The following NTN1 variants were observed in gnomAD, a reference collection of about 807,000 sequenced individuals.
NTN1 encodes netrin 1.
In NTN1, 11 loss-of-function variants were observed where a neutral mutation model predicts 54.2. The observed-to-expected ratio is 0.20, with a 90% CI of 0.13 to 0.34. The LOEUF (loss-of-function observed/expected upper bound fraction) is 0.34, where lower values mean the gene tolerates loss of function less well. NTN1 is among the 10% of genes least tolerant of loss of function. NTN1 has a pLI of 1.00. For missense variants in NTN1, 740 were observed against 893.1 expected (o/e 0.83, Z 2.18); for synonymous variants, 371 against 382.0 (o/e 0.97, Z 0.33).
chr17:9,202,478 G>A (rs979550763), intron 5 of NTN1, among the ~76,000 whole-genome samples: 4 of 152,142 alleles, frequency 2.6e-5, no homozygotes, highest in African/African-American at 9.7e-5. Context: ...GGAGTGTATT[G>A]AGAATTCATT....
chr17:9,132,370 C>T (rs564936080), intron 2 of NTN1, among the ~76,000 whole-genome samples: 1 of 152,334 alleles, frequency 6.6e-6, no homozygotes, highest in Admixed American at 6.5e-5. Flanking sequence ...CTATGCATCT[C>T]ACACTAGCTT....
intron 2 of NTN1, among the ~76,000 whole-genome samples, chr17:9,068,559 A>G (rs1457212515): frequency 6.8e-6 from 1 of 147,878 alleles, no homozygotes; most frequent in African/African-American, 2.5e-5. Context: ...CCCAGGCTGG[A>G]GTGCAATGGT....
At chr17:9,062,851 A>C (rs1270049529) in intron 2 of NTN1, among the ~76,000 whole-genome samples, 1 of 152,074 alleles carries the variant, frequency 6.6e-6, no homozygotes, top group Non-Finnish European at 1.5e-5. Context: ...TAGAAATGTA[A>C]CAGCATTTGC....
In NTN1 at chr17:9,198,758, G is replaced by A. The variant is rs181834284; in HGVS notation, c.1411+15789G>A. On this transcript the variant is annotated intron_variant, in intron 5 of 6. Coordinates refer to ENST00000173229, the MANE Select transcript of NTN1 (RefSeq NM_004822.3). ...AGAGAATCACAGCCCAGGAGTTCAG[G>A]CTCAGCTGTGGATCCTACAGATCCC... 2.0e-3 allele frequency among the ~76,000 whole-genome samples: 300 copies of A among 152,314 alleles called. 5 individuals carry two copies. The highest frequency in any genetic ancestry group is 0.018 in the Admixed American group (280 of 15,300).
At chr17:9,064,962 C>T (rs904765641) in intron 2 of NTN1, among the ~76,000 whole-genome samples, 12 of 151,820 alleles carry the variant, frequency 7.9e-5, no homozygotes, top group Admixed American at 2.0e-4. Context: ...ATTGAGATGG[C>T]GCCTCTCTCT....
At chr17:9,207,650 T>TGCA (rs1036496889) in intron 5 of NTN1, among the ~76,000 whole-genome samples, 1 of 152,196 alleles carries the variant, frequency 6.6e-6, no homozygotes, top group African/African-American at 2.4e-5. Flanking sequence ...CCCAGCATCC[T>TGCA]GCAGCCCTGA....
chr17:9,204,784 C>T (rs1418436988), intron 5 of NTN1, among the ~76,000 whole-genome samples: 1 of 152,148 alleles, frequency 6.6e-6, no homozygotes, highest in Non-Finnish European at 1.5e-5. Context: ...AGTTGAAGGA[C>T]GTCAATGAGG....
intron 2 of NTN1, among the ~76,000 whole-genome samples, chr17:9,131,522 G>T (rs1320090337): frequency 6.6e-6 from 1 of 151,284 alleles, no homozygotes; most frequent in African/African-American, 2.4e-5. Flanking sequence ...CCTCTGCCCT[G>T]CTTGAGGGCT....
At chr17:9,084,304 A>G (rs1424109685) in intron 2 of NTN1, among the ~76,000 whole-genome samples, 2 of 152,186 alleles carry the variant, frequency 1.3e-5, no homozygotes, top group Non-Finnish European at 2.9e-5. Flanking sequence ...TTTCACTAAC[A>G]TGCTGGGGAT....
chr17:9,094,320 G>A (rs2063911235), intron 2 of NTN1, among the ~76,000 whole-genome samples: 1 of 152,008 alleles, frequency 6.6e-6, no homozygotes, highest in Admixed American at 6.6e-5. Flanking sequence ...AGCACAGTGA[G>A]GTACATTCTT....
At chr17:9,206,299 G>A (rs1210241274) in intron 5 of NTN1, among the ~76,000 whole-genome samples, 1 of 152,208 alleles carries the variant, frequency 6.6e-6, no homozygotes, top group Non-Finnish European at 1.5e-5. Flanking sequence ...GAGCCAATTT[G>A]TTTTCCAATC....
rs752593728 is a variant in NTN1 at position 9,169,721 on chromosome 17, C to T, written c.1207+6720C>T. On this transcript the variant is annotated intron_variant, in intron 3 of 6. Transcript: ENST00000173229. ...CTCTACTAAAAATACAAGAATTAGCCGGGTGTGGTGGCGCATGCCTGTAAT... is the reference window on the plus strand; with the variant it reads ...CTCTACTAAAAATACAAGAATTAGCTGGGTGTGGTGGCGCATGCCTGTAAT... 1.6e-4 allele frequency among the ~76,000 whole-genome samples: 24 copies of T among 152,058 alleles called. 1 individual carries two copies. Among genetic ancestry groups the T allele is most frequent in the East Asian group, 3.9e-4 (2 of 5,180 alleles).
intron 2 of NTN1, among the ~76,000 whole-genome samples, chr17:9,126,832 G>A (rs866364892): frequency 1.3e-5 from 2 of 152,122 alleles, no homozygotes; most frequent in African/African-American, 4.8e-5. Flanking sequence ...ATATCAGCTC[G>A]AGGGGGCTGT....
intron 2 of NTN1, among the ~76,000 whole-genome samples, chr17:9,063,336 A>T (rs2142209168): frequency 6.6e-6 from 1 of 152,136 alleles, no homozygotes; most frequent in South Asian, 2.1e-4. Flanking sequence ...GGCCTCAGGG[A>T]ATCCACCCAC....
chr17:9,112,077 CT>C (rs2092193295), intron 2 of NTN1, among the ~76,000 whole-genome samples: 1 of 152,230 alleles, frequency 6.6e-6, no homozygotes, highest in Non-Finnish European at 1.5e-5. Context: ...GAAGATGCCT[CT>C]TGGGTGAACA....
chr17:9,178,456 T>G (rs2092407816), intron 3 of NTN1, among the ~76,000 whole-genome samples: 1 of 152,118 alleles, frequency 6.6e-6, no homozygotes. Context: ...CCTTCCTCCC[T>G]CCCTCCTCTT....
At position 9,221,149 on chromosome 17, in the gene NTN1, C is replaced by CA. The variant is rs1315174675; in HGVS notation, c.1412-19_1412-18insA. 6 of 1,419,674 alleles carry CA rather than the reference C, an allele frequency of 4.2e-6. No individual in the cohort carries two copies. The highest frequency in any genetic ancestry group is 4.9e-6 in the Non-Finnish European group (5 of 1,015,820). 87.9% of individuals were successfully genotyped at this position (1,419,674 alleles called of 1,614,324 possible). A position where few individuals can be genotyped will look rare whatever the true frequency, so the allele number is the denominator to read the frequency against. ...GCCTAATTAGTTTTTGTCTGTGCTC[C>CA]CCCCCCACCCCCCTGCAGACTGCGA... is the stretch of plus-strand genomic sequence containing the variant. On this transcript the variant is annotated intron_variant, in intron 5 of 6. Transcript: ENST00000173229. The surrounding 1 kb of genome is among the most constrained non-coding windows in gnomAD (Gnocchi z 4.5).
At chr17:9,042,508 G>A (rs1017764575) in intron 2 of NTN1, among the ~76,000 whole-genome samples, 9 of 50 alleles carry the variant, frequency 0.18, no homozygotes, top group Non-Finnish European at 0.36. Flanking sequence ...AAAACTGTGA[G>A]GCTGGCGCGG....
chr17:9,049,576 A>G (rs1262221964), intron 2 of NTN1, among the ~76,000 whole-genome samples: 1 of 152,268 alleles, frequency 6.6e-6, no homozygotes, highest in Non-Finnish European at 1.5e-5. Context: ...TTGAGGAAAT[A>G]CGAGATGATC....
Sources: gnomAD v4.1 joint callset for allele counts (sites outside exome capture counted in the v4.1 genomes callset) on GRCh38, gnomAD v4.1.1 for gene constraint, Gnocchi (gnomAD v3.1) non-coding constraint, MANE v1.5 for transcripts, NCBI Gene and HGNC (gene_info 2026-07-23, HGNC 2026-07-21) for gene names.